CXXC5: variants seen among roughly 807,000 people sequenced by gnomAD.
CXXC5 encodes the protein CXXC finger protein 5, also known as CXXC-type zinc finger protein 5.
In CXXC5, 2 loss-of-function variants were observed where a neutral mutation model predicts 17.6. That is an observed-to-expected ratio of 0.11 (90% CI 0.05 to 0.36). CXXC5 has a LOEUF of 0.36. Among genes scored for constraint, CXXC5 ranks in the 10% least tolerant of loss-of-function variants. CXXC5 has a pLI of 1.00. For synonymous variants in CXXC5, 171 were observed against 193.0 expected (o/e 0.89, Z 0.94); for missense variants, 343 against 458.3 (o/e 0.75, Z 2.30).
At position 139,680,503 on chromosome 5, in the gene CXXC5, G is replaced by T. The variant is rs1757120567; in HGVS notation, c.-21G>T. ...AGTTGGCAGGCTCCCTCTGCAGTGG[G>T]GTCTGGGCCTCGGCCCCACCATGTC... On this transcript the variant is annotated 5_prime_UTR_variant, in exon 2 of 3. Coordinates refer to ENST00000302517, the MANE Select transcript of CXXC5 (RefSeq NM_016463.9). The T allele has an allele frequency of 6.5e-7, 1 of 1,542,106 alleles. No homozygotes were observed.
intron 1 of CXXC5, among the ~76,000 whole-genome samples, chr5:139,656,947 A>G (rs1040896652): frequency 1.1e-4 from 16 of 151,848 alleles, no homozygotes; most frequent in African/African-American, 3.4e-4. Context: ...CTGGTCTCGA[A>G]CTCCTGACCT....
rs1273827863 is a variant in CXXC5, at chr5:139,658,757, C to T, written c.-161+9912C>T. ...CTGCAGCTCCCCCTCCCTTGGGGTC[C>T]TCAGCAGCCCCATCTGTGCAATGGG... On this transcript the variant is annotated intron_variant, in intron 1 of 2. Transcript: ENST00000302517. This position sits in a 1 kb window ranked among gnomAD's most constrained non-coding sequence, Gnocchi z 4.1. 6.6e-6 allele frequency among the ~76,000 whole-genome samples: 1 copy of T among 152,224 alleles called. No individual in the cohort carries two copies. The highest frequency in any genetic ancestry group is 1.5e-5 in the Non-Finnish European group (1 of 68,038).
rs1034655240 is a variant in CXXC5 at position 139,683,286 on chromosome 5, C to A, written c.*379C>A. The A allele has an allele frequency of 2.3e-5, 4 of 172,996 alleles. No homozygotes were observed. Among genetic ancestry groups the A allele is most frequent in the Admixed American group, 1.3e-4 (2 of 15,890 alleles). The allele number at this position is 172,996 out of a possible 1,614,324, so 10.7% of individuals were successfully genotyped here. On this transcript the variant is annotated 3_prime_UTR_variant, in exon 3 of 3. Coordinates refer to ENST00000302517, the MANE Select transcript of CXXC5 (RefSeq NM_016463.9). The stretch of plus-strand genomic sequence containing the variant: ...TGTAGAGAATGTAAATTTTCTGTAA[C>A]CTTTTGAAATCTAGTTACTAATAAG...
chr5:139,652,163 C>CGTGTGTGTGTGT (rs1326798150), intron 1 of CXXC5, among the ~76,000 whole-genome samples: 8 of 139,900 alleles, frequency 5.7e-5, no homozygotes, highest in Middle Eastern at 3.7e-3. Flanking sequence ...CGCGCGCGCG[C>CGTGTGTGTGTGT]GCGCGCGCGT....
intron 1 of CXXC5, among the ~76,000 whole-genome samples, chr5:139,656,185 G>A (rs918894786): frequency 1.3e-5 from 2 of 152,262 alleles, no homozygotes; most frequent in South Asian, 2.1e-4. Context: ...AACCCCTAGC[G>A]GCCCCTACAC....
At chr5:139,655,297 G>A (rs913033377) in intron 1 of CXXC5, among the ~76,000 whole-genome samples, 1 of 152,070 alleles carries the variant, frequency 6.6e-6, no homozygotes, top group Non-Finnish European at 1.5e-5. Flanking sequence ...CCGCCTCAGG[G>A]TTCCCCATTG....
rs892172773 is a variant in CXXC5, at chr5:139,683,848, T to C, written c.*941T>C. ...TATTGTTTTAGGAAACCAGGCTGTT[T>C]TGTGAATAAAACGAATGCATGTTTG... is the stretch of plus-strand genomic sequence containing the variant. On this transcript the variant is annotated 3_prime_UTR_variant, in exon 3 of 3. Transcript: ENST00000302517. 2 of 152,452 alleles carry C rather than the reference T, an allele frequency of 1.3e-5. No individual in the cohort carries two copies. The highest frequency in any genetic ancestry group is 4.8e-5 in the African/African-American group (2 of 41,432). The allele number at this position is 152,452 out of a possible 1,614,324, so 9.4% of individuals were successfully genotyped here.
rs536060330 is a variant in CXXC5 at position 139,658,636 on chromosome 5, G to A, written c.-161+9791G>A. On this transcript the variant is annotated intron_variant, in intron 1 of 2. Transcript: ENST00000302517. The surrounding 1 kb of genome is among the most constrained non-coding windows in gnomAD (Gnocchi z 4.1). Reference sequence around the variant, plus strand: ...CGCCCGCCCGCTGCCCACGCTTCCCGAGGCACCAGCGTGAGGAGGAAATGC... The same window carrying A: ...CGCCCGCCCGCTGCCCACGCTTCCCAAGGCACCAGCGTGAGGAGGAAATGC... Among the ~76,000 whole-genome samples the A allele has an allele frequency of 3.3e-5, 5 of 152,324 alleles. No homozygotes were observed. In the East Asian group the frequency reaches 5.8e-4, roughly 18 times the overall value.
chr5:139,661,943 T>G lies in CXXC5; in HGVS notation c.-161+13098T>G, dbSNP rs1755842046. Among the ~76,000 whole-genome samples the G allele has an allele frequency of 6.6e-6, 1 of 151,454 alleles. No homozygotes were observed. On this transcript the variant is annotated intron_variant, in intron 1 of 2. Transcript: ENST00000302517. This position sits in a 1 kb window ranked among gnomAD's most constrained non-coding sequence, Gnocchi z 4.7. Reference sequence around the variant, plus strand: ...TACGGGGCCTCTGGCCCAGGCAGAGTGGGTTGGGTACATGGGGGAGAGATA... The same window carrying G: ...TACGGGGCCTCTGGCCCAGGCAGAGGGGGTTGGGTACATGGGGGAGAGATA...
chr5:139,673,512 C>T (rs1275068066), intron 1 of CXXC5, among the ~76,000 whole-genome samples: 13 of 152,128 alleles, frequency 8.5e-5, no homozygotes, highest in Admixed American at 8.5e-4. Context: ...ATGGGCTGAT[C>T]CCCTCCTCCA....
At chr5:139,664,704 G>A (rs1456308855) in intron 1 of CXXC5, among the ~76,000 whole-genome samples, 1 of 152,160 alleles carries the variant, frequency 6.6e-6, no homozygotes, top group Non-Finnish European at 1.5e-5. Context: ...TGGTGTTCCA[G>A]TCCCCCAGGC....
chr5:139,674,181 C>T (rs975816345), intron 1 of CXXC5, among the ~76,000 whole-genome samples: 2 of 152,186 alleles, frequency 1.3e-5, no homozygotes, highest in South Asian at 2.1e-4. Context: ...CCTCCAAGAC[C>T]AGTCTCCCTG....
rs1245374883 is a variant in CXXC5, at chr5:139,661,574, A to C, written c.-161+12729A>C. On this transcript the variant is annotated intron_variant, in intron 1 of 2. Coordinates refer to ENST00000302517, the MANE Select transcript of CXXC5 (RefSeq NM_016463.9). The surrounding 1 kb of genome is among the most constrained non-coding windows in gnomAD (Gnocchi z 4.7). ...TAGGCGAATGCACATACACAGGCAC[A>C]CATAGGCGTGCACACATAGGCCACT... Among the ~76,000 whole-genome samples the C allele has an allele frequency of 6.6e-6, 1 of 152,176 alleles. No homozygotes were observed. Among genetic ancestry groups the C allele is most frequent in the Non-Finnish European group, 1.5e-5 (1 of 68,014 alleles).
chr5:139,680,380 C>T lies in CXXC5; in HGVS notation c.-144C>T, dbSNP rs1190248575. The T allele has an allele frequency of 8.2e-7, 1 of 1,218,076 alleles. No individual in the cohort carries two copies. Among genetic ancestry groups the T allele is most frequent in the East Asian group, 2.6e-5 (1 of 39,100 alleles). 75.5% of individuals were successfully genotyped at this position (1,218,076 alleles called of 1,614,324 possible). ...TTGTGACAGAGTGAAGACATTTCCACCTGGACACCTGACCATGTGCCTGCC... is the reference window on the plus strand; with the variant it reads ...TTGTGACAGAGTGAAGACATTTCCATCTGGACACCTGACCATGTGCCTGCC... On this transcript the variant is annotated 5_prime_UTR_variant, in exon 2 of 3. Coordinates refer to ENST00000302517, the MANE Select transcript of CXXC5 (RefSeq NM_016463.9).
intron 1 of CXXC5, among the ~76,000 whole-genome samples, chr5:139,655,888 C>T (rs1755466971): frequency 6.6e-6 from 1 of 152,372 alleles, no homozygotes; most frequent in Admixed American, 6.5e-5. Context: ...GCGGGCCTCA[C>T]TGGCCTCCCA....
intron 1 of CXXC5, among the ~76,000 whole-genome samples, chr5:139,674,046 G>A (rs1434219127): frequency 6.6e-6 from 1 of 152,118 alleles, no homozygotes. Context: ...TAGTGGGGTT[G>A]AGGCCATGTC....
At chr5:139,679,141 T>A (rs893827103) in intron 1 of CXXC5, among the ~76,000 whole-genome samples, 4 of 151,906 alleles carry the variant, frequency 2.6e-5, no homozygotes, top group African/African-American at 9.7e-5. Context: ...CAGCCAGAGG[T>A]CCCTCCTGGC....
chr5:139,671,659 C>T (rs1264316412), intron 1 of CXXC5, among the ~76,000 whole-genome samples: 2 of 152,344 alleles, frequency 1.3e-5, no homozygotes, highest in Admixed American at 6.5e-5. Context: ...CAGCCTGCCC[C>T]GTCTGGCCCA....
At chr5:139,655,964 G>A (rs1755472452) in intron 1 of CXXC5, among the ~76,000 whole-genome samples, 1 of 152,206 alleles carries the variant, frequency 6.6e-6, no homozygotes, top group South Asian at 2.1e-4. Context: ...GCAGGGCAGA[G>A]CCAGGCCTGC....
Sources: allele counts gnomAD v4.1 joint callset (sites outside exome capture counted in the v4.1 genomes callset), GRCh38; gene constraint gnomAD v4.1.1; non-coding constraint Gnocchi (gnomAD v3.1); transcripts MANE v1.5; gene names NCBI Gene and HGNC (gene_info 2026-07-23, HGNC 2026-07-21).